IL1RAPL2: variants seen among roughly 807,000 people sequenced by gnomAD.
The protein encoded by IL1RAPL2 is X-linked interleukin-1 receptor accessory protein-like 2.
In IL1RAPL2, 3 loss-of-function variants were observed where a neutral mutation model predicts 44.1. The observed-to-expected ratio is 0.07, with a 90% CI of 0.03 to 0.18. The LOEUF (loss-of-function observed/expected upper bound fraction) is 0.18, where lower values mean the gene tolerates loss of function less well. Among genes scored for constraint, IL1RAPL2 ranks in the 10% least tolerant of loss-of-function variants. The pLI is 1.00. For missense variants in IL1RAPL2, 391 were observed against 496.4 expected, an observed-to-expected ratio of 0.79 and a Z score of 2.02; for synonymous variants, 181 against 178.8, an observed-to-expected ratio of 1.01 and a Z score of -0.10.
chrX:105,200,766 G>A (rs2392687), intron 3 of IL1RAPL2, among the ~76,000 whole-genome samples: 58,767 of 109,482 alleles, frequency 0.54, 12,865 homozygotes, highest in East Asian at 0.77. Context: ...ACAAAATTTC[G>A]CTGGGCGTGG....
At chrX:104,933,455 T>A (rs1436563793) in intron 2 of IL1RAPL2, among the ~76,000 whole-genome samples, 7 of 110,725 alleles carry the variant, frequency 6.3e-5, no homozygotes, top group Non-Finnish European at 1.3e-4. Flanking sequence ...ATTGCTTTTT[T>A]CTCTATATAT....
chrX:104,913,302 A>G (rs1273906509), intron 2 of IL1RAPL2, among the ~76,000 whole-genome samples: 4 of 101,464 alleles, frequency 3.9e-5, no homozygotes, highest in African/African-American at 1.9e-4. Context: ...CTAAGCAGAA[A>G]CACAGTGTTC....
intron 2 of IL1RAPL2, among the ~76,000 whole-genome samples, chrX:104,794,325 A>G (rs1932839307): frequency 8.9e-6 from 1 of 111,846 alleles, no homozygotes; most frequent in African/African-American, 3.3e-5. Flanking sequence ...AGGGATCAAG[A>G]AGTAAACTTC....
intron 2 of IL1RAPL2, among the ~76,000 whole-genome samples, chrX:105,022,146 A>G (rs1421027406): frequency 9.0e-6 from 1 of 111,212 alleles, no homozygotes; most frequent in Admixed American, 9.6e-5. Context: ...TACATTATGT[A>G]TATACATATA....
chrX:105,215,331 C>A (rs1603012768), intron 3 of IL1RAPL2, among the ~76,000 whole-genome samples: 2 of 112,006 alleles, frequency 1.8e-5, no homozygotes, highest in East Asian at 5.6e-4. Context: ...ACTATAAACA[C>A]CTCTACGCAA....
intron 2 of IL1RAPL2, among the ~76,000 whole-genome samples, chrX:104,703,381 A>G (rs1485270456): frequency 1.8e-5 from 2 of 111,846 alleles, no homozygotes; most frequent in Non-Finnish European, 3.8e-5. Flanking sequence ...TCCTGTGCTC[A>G]CAGCTCTTTG....
At chrX:104,946,589 C>T (rs1322794090) in intron 2 of IL1RAPL2, among the ~76,000 whole-genome samples, 1 of 76,438 alleles carries the variant, frequency 1.3e-5, no homozygotes, top group Non-Finnish European at 2.4e-5. Flanking sequence ...CAACAGTCCC[C>T]AGAGTGTGAT....
chrX:104,833,092 A>T (rs1475425741), intron 2 of IL1RAPL2, among the ~76,000 whole-genome samples: 1 of 112,157 alleles, frequency 8.9e-6, no homozygotes, highest in Non-Finnish European at 1.9e-5. Flanking sequence ...CGTCATCTGC[A>T]TTAAAATACA....
chrX:105,265,432 C>T (rs1449936450), intron 4 of IL1RAPL2, among the ~76,000 whole-genome samples: 2 of 111,517 alleles, frequency 1.8e-5, no homozygotes, highest in Non-Finnish European at 3.8e-5. Flanking sequence ...TCTTCATTTT[C>T]CCAGAAACCT....
intron 1 of IL1RAPL2, among the ~76,000 whole-genome samples, chrX:104,646,976 C>T (rs977456070): frequency 1.9e-4 from 21 of 111,825 alleles, no homozygotes; most frequent in Non-Finnish European, 3.8e-4. Flanking sequence ...TACCCTTCAA[C>T]CTTAGACTTT....
intron 5 of IL1RAPL2, among the ~76,000 whole-genome samples, chrX:105,407,339 G>A (rs756137007): frequency 1.8e-5 from 2 of 110,869 alleles, no homozygotes; most frequent in African/African-American, 6.6e-5. Context: ...ACCAGGAATA[G>A]TATCTATTAT....
chrX:105,415,422 A>C (rs2035726107), intron 5 of IL1RAPL2, among the ~76,000 whole-genome samples: 1 of 111,483 alleles, frequency 9.0e-6, no homozygotes, highest in Non-Finnish European at 1.9e-5. Context: ...TAAATATGGG[A>C]GTAGCATTAT....
chrX:105,610,928 A>G (rs1340561965), intron 6 of IL1RAPL2, among the ~76,000 whole-genome samples: 2 of 111,584 alleles, frequency 1.8e-5, no homozygotes, highest in Non-Finnish European at 3.8e-5. Context: ...GAGGTATTTC[A>G]TAAGAAGGCA....
intron 2 of IL1RAPL2, among the ~76,000 whole-genome samples, chrX:105,174,426 A>T (rs933695921): frequency 1.2e-4 from 13 of 111,407 alleles, no homozygotes; most frequent in Admixed American, 3.8e-4. Flanking sequence ...CTGGCTGTTG[A>T]CATGACATTT....
At chrX:104,877,977 G>T (rs1316009297) in intron 2 of IL1RAPL2, among the ~76,000 whole-genome samples, 1 of 112,014 alleles carries the variant, frequency 8.9e-6, no homozygotes, top group Non-Finnish European at 1.9e-5. Flanking sequence ...GTTGGAGATG[G>T]CTTATAGGAA....
At chrX:105,382,259 A>C (rs1382367779) in intron 5 of IL1RAPL2, among the ~76,000 whole-genome samples, 10 of 107,749 alleles carry the variant, frequency 9.3e-5, no homozygotes, top group African/African-American at 2.1e-4. Context: ...CAATGAACTC[A>C]AACAAATTTA....
chrX:105,023,324 G>C (rs1357691110), intron 2 of IL1RAPL2, among the ~76,000 whole-genome samples: 1 of 111,048 alleles, frequency 9.0e-6, no homozygotes, highest in Non-Finnish European at 1.9e-5. Context: ...TTTGGCCAAA[G>C]GTCTTATCAG....
chrX:105,335,550 A>G (rs2035021986), intron 5 of IL1RAPL2, among the ~76,000 whole-genome samples: 1 of 111,267 alleles, frequency 9.0e-6, no homozygotes, highest in African/African-American at 3.3e-5. Flanking sequence ...TTGAACTGGG[A>G]CATAGTTCAG....
At chrX:105,334,806 G>A (rs926280593) in intron 5 of IL1RAPL2, among the ~76,000 whole-genome samples, 6 of 110,349 alleles carry the variant, frequency 5.4e-5, no homozygotes, top group Non-Finnish European at 7.6e-5. Context: ...GATGAATCTC[G>A]GTGTTTTACT....
Sources: gnomAD v4.1 joint callset for allele counts (sites outside exome capture counted in the v4.1 genomes callset) on GRCh38, gnomAD v4.1.1 for gene constraint, MANE v1.5 for transcripts, NCBI Gene and HGNC (gene_info 2026-07-23, HGNC 2026-07-21) for gene names.